The following PTPRG variants were observed in gnomAD, a reference collection of about 807,000 sequenced individuals.
PTPRG encodes receptor-type tyrosine-protein phosphatase gamma.
PTPRG carries 102 observed loss-of-function variants against 165.3 expected under a neutral mutation model. The observed-to-expected ratio is 0.62, with a 90% CI of 0.53 to 0.73. The LOEUF (loss-of-function observed/expected upper bound fraction) is 0.73, where lower values mean the gene tolerates loss of function less well. Ranked by LOEUF, PTPRG falls within the 30% of genes least tolerant of loss-of-function variation. The pLI, the probability that PTPRG is intolerant of heterozygous loss-of-function variation, is 0.00. For missense variants in PTPRG, 1,866 were observed against 1,861.4 expected (o/e 1.00, Z -0.05); for synonymous variants, 675 against 669.5 (o/e 1.01, Z -0.13).
At position 62,190,707 on chromosome 3, in the gene PTPRG, G is replaced by A. The variant is rs573288044; in HGVS notation, c.1034-762G>A. ...ATCTTAAATTTATTTATTTACACTC[G>A]GACCTGTTTACAATAAGATTTCGTC... On this transcript the variant is annotated intron_variant, in intron 8 of 29. Coordinates refer to ENST00000474889, the MANE Select transcript of PTPRG (RefSeq NM_002841.4). The surrounding 1 kb of genome is among the most constrained non-coding windows in gnomAD (Gnocchi z 5.2). Among the ~76,000 whole-genome samples the A allele has an allele frequency of 3.9e-4, 59 of 152,040 alleles. No homozygotes were observed. The highest frequency in any genetic ancestry group is 1.8e-3 in the Admixed American group (27 of 15,270).
intron 4 of PTPRG, among the ~76,000 whole-genome samples, chr3:62,053,949 G>C (rs954974103): frequency 1.3e-5 from 2 of 152,024 alleles, no homozygotes; most frequent in African/African-American, 2.4e-5. Context: ...AAATATGAAG[G>C]GTACTACATG....
chr3:61,867,301 C>T (rs1326034331), intron 2 of PTPRG, among the ~76,000 whole-genome samples: 1 of 151,988 alleles, frequency 6.6e-6, no homozygotes, highest in Admixed American at 6.6e-5. Flanking sequence ...GACTTGGTTG[C>T]CTGAAGTGAG....
chr3:61,887,294 C>T (rs975222519), intron 2 of PTPRG, among the ~76,000 whole-genome samples: 71 of 151,546 alleles, frequency 4.7e-4, no homozygotes, highest in African/African-American at 1.7e-3. Context: ...TTTCTAAGCC[C>T]CTGGCAATCA....
chr3:62,148,665 A>C (rs1358296284), intron 6 of PTPRG, among the ~76,000 whole-genome samples: 1 of 152,130 alleles, frequency 6.6e-6, no homozygotes, highest in African/African-American at 2.4e-5. Flanking sequence ...CGGGAGGCTG[A>C]GGCAGACGAT....
chr3:62,060,481 C>G (rs368243371), intron 4 of PTPRG, among the ~76,000 whole-genome samples: 18 of 152,294 alleles, frequency 1.2e-4, no homozygotes, highest in African/African-American at 4.3e-4. Flanking sequence ...CTTTCCTCAT[C>G]AGGATGCCAG....
rs1354583513 is a variant in PTPRG at position 62,254,858 on chromosome 3, C to A, written c.2468-266C>A. On this transcript the variant is annotated intron_variant, in intron 15 of 29. Transcript: ENST00000474889. The surrounding 1 kb of genome is among the most constrained non-coding windows in gnomAD (Gnocchi z 4.6). The stretch of plus-strand genomic sequence containing the variant: ...TATGGTAATTTAACTATGTAAATTG[C>A]GTTGAATATAAAAATAAGGGGAATT... Among the ~76,000 whole-genome samples, 7 of 151,894 alleles carry A rather than the reference C, an allele frequency of 4.6e-5. No individual in the cohort carries two copies. In the East Asian group the frequency reaches 1.4e-3, roughly 29 times the overall value.
intron 2 of PTPRG, among the ~76,000 whole-genome samples, chr3:61,989,205 G>A (rs1466710258): frequency 2.6e-5 from 4 of 152,034 alleles, no homozygotes; most frequent in African/African-American, 9.7e-5. Context: ...CATGTTTACA[G>A]TCTTTTATGG....
Position 62,281,627 on chromosome 3 carries a change from T to G in PTPRG, c.3830T>G (p.Val1277Gly). The G allele has an allele frequency of 1.3e-6, 2 of 1,588,994 alleles. No individual in the cohort carries two copies. The highest frequency in any genetic ancestry group is 1.7e-6 in the Non-Finnish European group (2 of 1,167,756). Reference protein sequence around the residue: ...EESMNCEAFTVTLISKDRLCL... With the variant: ...EESMNCEAFTGTLISKDRLCL... ...TCCATGAACTGTGAGGCCTTTACCGTCACCCTTATCAGCAAAGACAGACTG... is the reference window on the plus strand; with the variant it reads ...TCCATGAACTGTGAGGCCTTTACCGGCACCCTTATCAGCAAAGACAGACTG... The change falls in exon 27 of 30, where the codon GTC (valine) becomes GGC (glycine). Residue 1277 changes from valine to glycine, a missense_variant. Coordinates refer to ENST00000474889, the MANE Select transcript of PTPRG (RefSeq NM_002841.4).
intron 4 of PTPRG, among the ~76,000 whole-genome samples, chr3:62,024,594 A>G (rs2041766586): frequency 6.6e-6 from 1 of 152,206 alleles, no homozygotes; most frequent in Non-Finnish European, 1.5e-5. Flanking sequence ...TTCACTAGCT[A>G]TGGGTAAAGT....
chr3:61,682,622 GTTC>G (rs1489636874), intron 1 of PTPRG, among the ~76,000 whole-genome samples: 3 of 152,150 alleles, frequency 2.0e-5, no homozygotes, highest in Non-Finnish European at 4.4e-5. Flanking sequence ...TATCTATCCT[GTTC>G]TTCTTTCCCA....
At chr3:61,761,905 C>T (rs1366865055) in intron 2 of PTPRG, among the ~76,000 whole-genome samples, 1 of 152,152 alleles carries the variant, frequency 6.6e-6, no homozygotes, top group Non-Finnish European at 1.5e-5. Context: ...CTCTGTCCCA[C>T]CCTTCCCCCT....
At chr3:61,693,572 C>A (rs2030360723) in intron 1 of PTPRG, among the ~76,000 whole-genome samples, 1 of 152,098 alleles carries the variant, frequency 6.6e-6, no homozygotes. Flanking sequence ...AAGGTGTGCT[C>A]AGATACTCCA....
intron 5 of PTPRG, among the ~76,000 whole-genome samples, chr3:62,130,882 T>G (rs559885402): frequency 1.2e-4 from 19 of 152,322 alleles, no homozygotes; most frequent in Admixed American, 5.2e-4. Context: ...GGCACACTTA[T>G]GCCAACTCCC....
chr3:61,703,658 A>C (rs1235273139), intron 1 of PTPRG, among the ~76,000 whole-genome samples: 1 of 152,134 alleles, frequency 6.6e-6, no homozygotes, highest in Admixed American at 6.5e-5. Flanking sequence ...GTGAAACTTC[A>C]CCTTTTCTTG....
At chr3:62,235,096 AC>A in intron 14 of PTPRG, among the ~76,000 whole-genome samples, 1 of 152,320 alleles carries the variant, frequency 6.6e-6, no homozygotes, top group Non-Finnish European at 1.5e-5. Flanking sequence ...AGAGGCTTTT[AC>A]CCAGACATTT....
intron 4 of PTPRG, among the ~76,000 whole-genome samples, chr3:62,071,339 A>T (rs1701204139): frequency 6.6e-6 from 1 of 152,136 alleles, no homozygotes; most frequent in Admixed American, 6.5e-5. Flanking sequence ...TTCTACTCTC[A>T]TGTTGGGATC....
At chr3:61,810,563 A>G (rs1011528490) in intron 2 of PTPRG, among the ~76,000 whole-genome samples, 2 of 152,156 alleles carry the variant, frequency 1.3e-5, no homozygotes, top group African/African-American at 4.8e-5. Flanking sequence ...ACCTCAATAA[A>G]GGCAGCAGTG....
chr3:62,142,687 C>T (rs1446466398), intron 6 of PTPRG, among the ~76,000 whole-genome samples: 1 of 152,054 alleles, frequency 6.6e-6, no homozygotes, highest in Non-Finnish European at 1.5e-5. Flanking sequence ...TGATTGCAGT[C>T]CAATGAAAGA....
intron 1 of PTPRG, among the ~76,000 whole-genome samples, chr3:61,565,547 G>C (rs567108004): frequency 6.6e-6 from 1 of 151,776 alleles, no homozygotes; most frequent in Non-Finnish European, 1.5e-5. Flanking sequence ...CTCTGACACA[G>C]TATAAAATAT....
Sources: allele counts gnomAD v4.1 joint callset (sites outside exome capture counted in the v4.1 genomes callset), GRCh38; gene constraint gnomAD v4.1.1; non-coding constraint Gnocchi (gnomAD v3.1); transcripts MANE v1.5; gene names NCBI Gene and HGNC (gene_info 2026-07-23, HGNC 2026-07-21).